PRKAG2: variants seen among roughly 807,000 people sequenced by gnomAD.
The protein encoded by PRKAG2 is protein kinase AMP-activated non-catalytic subunit gamma 2.
A neutral mutation model predicts 69.6 loss-of-function variants in PRKAG2; 26 were observed. That is an observed-to-expected ratio of 0.37 (90% CI 0.27 to 0.52). The LOEUF (loss-of-function observed/expected upper bound fraction) is 0.52, where lower values mean the gene tolerates loss of function less well. Among genes scored for constraint, PRKAG2 ranks in the 20% least tolerant of loss-of-function variants. The pLI, the probability that PRKAG2 is intolerant of heterozygous loss-of-function variation, is 0.90. For synonymous variants in PRKAG2, 293 were observed against 285.0 expected, an observed-to-expected ratio of 1.03 and a Z score of -0.28; for missense variants, 557 against 740.0, an observed-to-expected ratio of 0.75 and a Z score of 2.87.
chr7:151,769,283 C>T (rs1390869794), intron 3 of PRKAG2, among the ~76,000 whole-genome samples: 1 of 152,304 alleles, frequency 6.6e-6, no homozygotes, highest in South Asian at 2.1e-4. Context: ...AGACAGTGCC[C>T]CCACTAATTC....
chr7:151,730,018 G>C (rs965795443), intron 3 of PRKAG2, among the ~76,000 whole-genome samples: 2 of 152,232 alleles, frequency 1.3e-5, no homozygotes, highest in Non-Finnish European at 2.9e-5. Context: ...CAGGGGCTGG[G>C]GTCAGGGGAG....
chr7:151,764,780 G>A (rs887437993), intron 3 of PRKAG2, among the ~76,000 whole-genome samples: 3 of 152,250 alleles, frequency 2.0e-5, no homozygotes, highest in African/African-American at 7.2e-5. Context: ...CAGGACGTGG[G>A]GGCAGGGCCA....
At chr7:151,766,735 G>A (rs529894213) in intron 3 of PRKAG2, among the ~76,000 whole-genome samples, 7 of 152,268 alleles carry the variant, frequency 4.6e-5, no homozygotes, top group African/African-American at 7.2e-5. Flanking sequence ...GTCAAGGCCC[G>A]CTAAAGTGTC....
rs201045816 is a variant in PRKAG2, at chr7:151,874,171, G to GATGTAT, written c.114+2330_114+2335dup. Among the ~76,000 whole-genome samples the GATGTAT allele has an allele frequency of 4.4e-3, 484 of 110,440 alleles. 24 individuals carry two copies. Among genetic ancestry groups the GATGTAT allele is most frequent in the African/African-American group, 0.017 (458 of 26,766 alleles). The allele number at this position is 110,440 out of a possible 152,430, so 72.5% of individuals were successfully genotyped here. ...ATATGTATATGATGTATATGTATAT[G>GATGTAT]ATGTATATGTATATGTATATGTATA... On this transcript the variant is annotated intron_variant, in intron 1 of 15. Coordinates refer to ENST00000287878, the MANE Select transcript of PRKAG2 (RefSeq NM_016203.4).
chr7:151,735,000 G>C (rs571766637), intron 3 of PRKAG2, among the ~76,000 whole-genome samples: 4 of 151,772 alleles, frequency 2.6e-5, no homozygotes, highest in African/African-American at 9.7e-5. Flanking sequence ...GACTATATGC[G>C]CACGCCACCA....
chr7:151,813,870 G>A (rs975034662), intron 1 of PRKAG2, among the ~76,000 whole-genome samples: 1 of 152,222 alleles, frequency 6.6e-6, no homozygotes, highest in African/African-American at 2.4e-5. Flanking sequence ...ATGGGGTCAA[G>A]AGAGTCCCCA....
intron 1 of PRKAG2, among the ~76,000 whole-genome samples, chr7:151,841,700 T>C (rs1421498709): frequency 3.8e-5 from 2 of 52,200 alleles, no homozygotes; most frequent in Non-Finnish European, 8.3e-5. Context: ...GTAGTGATGG[T>C]AGGTGGGGAT....
intron 12 of PRKAG2, 100 bp from the exon 13 acceptor site, chr7:151,565,483 G>T: frequency 1.0e-6 from 1 of 991,978 alleles, no homozygotes; most frequent in Non-Finnish European, 1.5e-6. Flanking sequence ...GTTAAACACT[G>T]ATAAATAACC....
At chr7:151,772,865 A>T (rs75229730) in intron 3 of PRKAG2, among the ~76,000 whole-genome samples, 3,059 of 151,762 alleles carry the variant, frequency 0.02, 106 homozygotes, top group African/African-American at 0.07. Flanking sequence ...GTGCATCTGC[A>T]GTTCCACCTA....
At chr7:151,612,839 C>T (rs1030367162) in intron 5 of PRKAG2, among the ~76,000 whole-genome samples, 3 of 152,208 alleles carry the variant, frequency 2.0e-5, no homozygotes, top group Non-Finnish European at 4.4e-5. Flanking sequence ...GGAACAGTTA[C>T]AAAACCTGGA....
At chr7:151,703,708 TA>T (rs1046818416) in intron 3 of PRKAG2, among the ~76,000 whole-genome samples, 4 of 152,044 alleles carry the variant, frequency 2.6e-5, no homozygotes, top group Admixed American at 2.6e-4. Flanking sequence ...TTTTTCTATT[TA>T]AAAAAATTTT....
intron 3 of PRKAG2, among the ~76,000 whole-genome samples, chr7:151,693,307 C>T (rs1416479245): frequency 1.3e-5 from 2 of 152,104 alleles, no homozygotes; most frequent in African/African-American, 4.8e-5. Context: ...GACCCAAGGC[C>T]CTCCGAGGGG....
intron 1 of PRKAG2, among the ~76,000 whole-genome samples, chr7:151,853,012 G>A (rs373452374): frequency 1.3e-4 from 20 of 152,196 alleles, no homozygotes; most frequent in Admixed American, 8.5e-4. Flanking sequence ...AGGTAGGGGC[G>A]GCTGCCTTGA....
intron 5 of PRKAG2, among the ~76,000 whole-genome samples, chr7:151,613,665 T>C (rs759840588): frequency 1.3e-4 from 18 of 135,318 alleles, no homozygotes; most frequent in Non-Finnish European, 2.6e-4. Flanking sequence ...GCCTGGCTAA[T>C]TTTTGTATTT....
intron 5 of PRKAG2, among the ~76,000 whole-genome samples, chr7:151,621,349 CAGA>C (rs1821437354): frequency 6.6e-6 from 1 of 152,042 alleles, no homozygotes; most frequent in Admixed American, 6.6e-5. Flanking sequence ...TCTTCTGTAG[CAGA>C]AGAGGAATAA....
chr7:151,674,702 A>G (rs1832621568), intron 4 of PRKAG2, among the ~76,000 whole-genome samples: 2 of 151,936 alleles, frequency 1.3e-5, no homozygotes, highest in South Asian at 2.1e-4. Flanking sequence ...GGGCATCCTA[A>G]GTCTGATGAT....
rs1217117317 is a variant in PRKAG2, at chr7:151,678,620, C to T, written c.467-2983G>A. Among the ~76,000 whole-genome samples, 7 of 152,098 alleles carry T rather than the reference C, an allele frequency of 4.6e-5. No homozygotes were observed. In the East Asian group the frequency reaches 1.2e-3, roughly 25 times the overall value. On this transcript the variant is annotated intron_variant, in intron 3 of 15. Coordinates refer to ENST00000287878, the MANE Select transcript of PRKAG2 (RefSeq NM_016203.4). Reference sequence around the variant, plus strand: ...GAAGCAGGAGGAGAGGGTTAGGACCCGAAACTTAAAATGTAAAAGGCCCTC... The same window carrying T: ...GAAGCAGGAGGAGAGGGTTAGGACCTGAAACTTAAAATGTAAAAGGCCCTC...
intron 4 of PRKAG2, among the ~76,000 whole-genome samples, chr7:151,636,053 G>A (rs983025635): frequency 2.0e-5 from 3 of 150,978 alleles, no homozygotes; most frequent in Non-Finnish European, 1.5e-5. Context: ...GGGTTTCACC[G>A]TGTTAGCCAA....
intron 1 of PRKAG2, among the ~76,000 whole-genome samples, chr7:151,829,142 A>G (rs4726102): frequency 0.25 from 37,415 of 152,210 alleles, 4,742 homozygotes; most frequent in South Asian, 0.39. Flanking sequence ...AGGGACTTGT[A>G]TTCACAATAC....
Sources: gnomAD v4.1 joint callset for allele counts (sites outside exome capture counted in the v4.1 genomes callset) on GRCh38, gnomAD v4.1.1 for gene constraint, MANE v1.5 for transcripts, NCBI Gene and HGNC (gene_info 2026-07-23, HGNC 2026-07-21) for gene names.